Variants in RICTOR observed in about 807,000 individuals in gnomAD.
RICTOR encodes the protein RPTOR independent companion of MTOR complex 2, also known as rapamycin-insensitive companion of mTOR.
In RICTOR, 49 loss-of-function variants were observed where a neutral mutation model predicts 214.9. The ratio of observed to expected loss-of-function variants is 0.23; its 90% CI spans 0.18 to 0.29. The LOEUF is 0.29. Ranked by LOEUF, RICTOR falls within the 10% of genes least tolerant of loss-of-function variation. The pLI is 1.00. For missense variants in RICTOR, 1,625 were observed against 2,047.0 expected, an observed-to-expected ratio of 0.79 and a Z score of 3.98; for synonymous variants, 717 against 711.3, an observed-to-expected ratio of 1.01 and a Z score of -0.13.
rs1012340822 is a variant in RICTOR at position 38,938,284 on chromosome 5, G to T, written c.*4020C>A. The T allele has an allele frequency of 1.8e-5, 4 of 227,360 alleles. No individual in the cohort carries two copies. Among genetic ancestry groups the T allele is most frequent in the South Asian group, 1.8e-4 (1 of 5,494 alleles). 14.1% of individuals were successfully genotyped at this position (227,360 alleles called of 1,614,324 possible). A position where few individuals can be genotyped will look rare whatever the true frequency, so the allele number is the denominator to read the frequency against. Reference sequence around the variant, plus strand: ...TGTGGTTAGAGAGCATTAAGTCTGAGATTTTTTTCACAATTCCTTACCACT... The same window carrying T: ...TGTGGTTAGAGAGCATTAAGTCTGATATTTTTTTCACAATTCCTTACCACT... On this transcript the variant is annotated 3_prime_UTR_variant, in exon 38 of 38. Transcript: ENST00000357387.
At chr5:39,007,032 C>G (rs567828954) in intron 3 of RICTOR, among the ~76,000 whole-genome samples, 1 of 152,142 alleles carries the variant, frequency 6.6e-6, no homozygotes, top group East Asian at 1.9e-4. Flanking sequence ...ATAAAATTTT[C>G]TAAGTTTTGA....
chr5:39,063,768 A>G (rs1028752688), intron 2 of RICTOR, among the ~76,000 whole-genome samples: 12 of 152,056 alleles, frequency 7.9e-5, no homozygotes, highest in Non-Finnish European at 5.9e-5. Context: ...TAATTAACCC[A>G]TGTGATCAAA....
chr5:38,943,785 C>G (rs1264257697), intron 36 of RICTOR, among the ~76,000 whole-genome samples: 2 of 152,102 alleles, frequency 1.3e-5, no homozygotes, highest in Non-Finnish European at 2.9e-5. Flanking sequence ...TGCACTCCAG[C>G]CTGGGTGACA....
chr5:39,074,371 C>T lies in RICTOR; in HGVS notation c.7G>A (p.Ala3Thr). Residue 3 changes from alanine to threonine, a missense_variant, in exon 1 of 38, where the codon GCG becomes ACG. Coordinates refer to ENST00000357387, the MANE Select transcript of RICTOR (RefSeq NM_152756.5). The stretch of plus-strand genomic sequence containing the variant: ...TTCAGAGAGCGGCCGCGGCCGATCG[C>T]CGCCATATTGACGGGTTTCAGTCAC... MA[A>T]IGRGRSLKNL... The T allele has an allele frequency of 6.5e-7, 1 of 1,540,390 alleles. No homozygotes were observed. The highest frequency in any genetic ancestry group is 8.8e-7 in the Non-Finnish European group (1 of 1,142,532).
intron 3 of RICTOR, among the ~76,000 whole-genome samples, chr5:39,009,405 G>C (rs534533846): frequency 1.5e-4 from 23 of 152,252 alleles, no homozygotes; most frequent in East Asian, 5.8e-4. Flanking sequence ...AAAGTGTTTA[G>C]AGAGGTGTGT....
At chr5:39,026,660 C>A (rs1755844703) in intron 2 of RICTOR, among the ~76,000 whole-genome samples, 1 of 151,584 alleles carries the variant, frequency 6.6e-6, no homozygotes, top group Non-Finnish European at 1.5e-5. Flanking sequence ...GTTGCCTATT[C>A]TGCTTGTGAC....
Position 39,003,566 on chromosome 5 carries a change from G to T in RICTOR, c.252C>A (p.Ile84=), listed in dbSNP as rs1385665273. ...EEKLGFHYED[I]IICLRLALLN... Reference sequence around the variant, plus strand: ...GAATGAACCACACTTACCAAATTATGATATCCTCATAGTGAAAGCCCAGTT... The same window carrying T: ...GAATGAACCACACTTACCAAATTATTATATCCTCATAGTGAAAGCCCAGTT... Residue 84 remains isoleucine, a synonymous_variant, in exon 4 of 38, where the codon ATC becomes ATA. Coordinates refer to ENST00000357387, the MANE Select transcript of RICTOR (RefSeq NM_152756.5). 6.2e-7 allele frequency: 1 copy of T among 1,603,396 alleles called. No homozygotes were observed. The highest frequency in any genetic ancestry group is 1.3e-5 in the African/African-American group (1 of 74,702).
At position 38,939,159 on chromosome 5, in the gene RICTOR, C is replaced by T. The variant is rs1461895923; in HGVS notation, c.*3145G>A. The stretch of plus-strand genomic sequence containing the variant: ...CTTTAATGTGGGGATAAAAGGCATC[C>T]TCTGAATGGAATAACATTTTATATA... On this transcript the variant is annotated 3_prime_UTR_variant, in exon 38 of 38. Transcript: ENST00000357387. 4.3e-6 allele frequency: 1 copy of T among 232,916 alleles called. No individual in the cohort carries two copies. The allele number at this position is 232,916 out of a possible 1,614,324, so 14.4% of individuals were successfully genotyped here.
At position 38,971,971 on chromosome 5, in the gene RICTOR, A is replaced by G; in HGVS notation, c.890-12T>C. The G allele has an allele frequency of 1.7e-6, 2 of 1,179,220 alleles. No individual in the cohort carries two copies. Among genetic ancestry groups the G allele is most frequent in the South Asian group, 1.3e-5 (1 of 75,622 alleles). 73.0% of individuals were successfully genotyped at this position (1,179,220 alleles called of 1,614,324 possible). On this transcript the variant is annotated splice_polypyrimidine_tract_variant and intron_variant, in intron 10 of 37. Transcript: ENST00000357387. ...TAAATTAATAATACCTAAAGAGGACAGAAAGAAAAAAAAATCACTGACATG... is the reference window on the plus strand; with the variant it reads ...TAAATTAATAATACCTAAAGAGGACGGAAAGAAAAAAAAATCACTGACATG...
At chr5:39,073,874 C>A (rs575275487) in intron 2 of RICTOR, among the ~76,000 whole-genome samples, 1 of 152,228 alleles carries the variant, frequency 6.6e-6, no homozygotes, top group South Asian at 2.1e-4. Context: ...CCCGCACCCG[C>A]AGCAGCCCGA....
At chr5:39,044,940 T>C (rs1268912980) in intron 2 of RICTOR, among the ~76,000 whole-genome samples, 1 of 152,202 alleles carries the variant, frequency 6.6e-6, no homozygotes, top group Non-Finnish European at 1.5e-5. Flanking sequence ...AATCATTTCA[T>C]CCTTGTCTAT....
intron 2 of RICTOR, among the ~76,000 whole-genome samples, chr5:39,045,685 T>C (rs1282085153): frequency 6.6e-6 from 1 of 152,174 alleles, no homozygotes; most frequent in African/African-American, 2.4e-5. Flanking sequence ...AGAAGTCAGT[T>C]GTATATTTTC....
At chr5:39,035,012 G>C (rs371172328) in intron 2 of RICTOR, among the ~76,000 whole-genome samples, 1 of 152,236 alleles carries the variant, frequency 6.6e-6, no homozygotes, top group African/African-American at 2.4e-5. Flanking sequence ...CGGGCAGACT[G>C]CCTCCTCAAG....
At chr5:38,946,361 C>A in intron 33 of RICTOR, 107 bp downstream of exon 33, 1 of 704,182 alleles carries the variant, frequency 1.4e-6, no homozygotes, top group East Asian at 2.6e-5. Context: ...AAAGTTGATC[C>A]AAAAGTGAGT....
In RICTOR at chr5:38,950,731, A is replaced by G. The variant is rs1748698662; in HGVS notation, c.3128-11T>C. On this transcript the variant is annotated splice_polypyrimidine_tract_variant and intron_variant, in intron 30 of 37. Coordinates refer to ENST00000357387, the MANE Select transcript of RICTOR (RefSeq NM_152756.5). ...CCAATATGAACATACCTATGATTGAAGGATCAATTAATAAAAACACATATA... is the reference window on the plus strand; with the variant it reads ...CCAATATGAACATACCTATGATTGAGGGATCAATTAATAAAAACACATATA... The G allele has an allele frequency of 1.3e-6, 2 of 1,541,070 alleles. No homozygotes were observed. Among genetic ancestry groups the G allele is most frequent in the African/African-American group, 1.4e-5 (1 of 71,972 alleles).
In RICTOR at chr5:38,945,690, A is replaced by AT; in HGVS notation, c.4433dup (p.Asn1478LysfsTer41). 6.2e-7 allele frequency: 1 copy of AT among 1,613,028 alleles called. No individual in the cohort carries two copies. Among genetic ancestry groups the AT allele is most frequent in the Non-Finnish European group, 8.5e-7 (1 of 1,179,094 alleles). Reference sequence around the variant, plus strand: ...TCTGCTGTCGTAGCAAGTGAAAAGAATTTTTTACAAGACCTCCAGTTCCAG... The same window carrying AT: ...TCTGCTGTCGTAGCAAGTGAAAAGAATTTTTTTACAAGACCTCCAGTTCCAG... On this transcript the variant is annotated frameshift_variant, in exon 34 of 38. Transcript: ENST00000357387. LOFTEE classifies it high-confidence loss of function.
chr5:39,001,963 T>G (rs533997763), intron 5 of RICTOR, among the ~76,000 whole-genome samples: 1 of 152,236 alleles, frequency 6.6e-6, no homozygotes, highest in African/African-American at 2.4e-5. Flanking sequence ...TAAACATACA[T>G]GTACCTTATA....
intron 2 of RICTOR, among the ~76,000 whole-genome samples, chr5:39,053,868 G>A (rs1282259835): frequency 6.8e-6 from 1 of 147,426 alleles, no homozygotes; most frequent in African/African-American, 2.6e-5. Context: ...ACTCCAGCCT[G>A]GGCGACAGCG....
chr5:39,051,048 C>T (rs566472846), intron 2 of RICTOR, among the ~76,000 whole-genome samples: 51 of 120,548 alleles, frequency 4.2e-4, no homozygotes, highest in Admixed American at 1.2e-3. Flanking sequence ...TATATACACA[C>T]ACACACACAC....
Sources: allele counts gnomAD v4.1 joint callset (sites outside exome capture counted in the v4.1 genomes callset), GRCh38; gene constraint gnomAD v4.1.1; transcripts MANE v1.5; gene names NCBI Gene and HGNC (gene_info 2026-07-23, HGNC 2026-07-21).